Variants in ADGRL2 observed in about 807,000 individuals in gnomAD.
ADGRL2 encodes the protein calcium-independent alpha-latrotoxin receptor 2.
In ADGRL2, 44 loss-of-function variants were observed where a neutral mutation model predicts 157.4. The ratio of observed to expected loss-of-function variants is 0.28; its 90% CI spans 0.22 to 0.36. The LOEUF is 0.36. Ranked by LOEUF, ADGRL2 falls within the 10% of genes least tolerant of loss-of-function variation. The pLI is 1.00. For missense variants in ADGRL2, 1,510 were observed against 1,768.9 expected (o/e 0.85, Z 2.63); for synonymous variants, 585 against 624.7 (o/e 0.94, Z 0.95).
At chr1:81,397,521 G>A (rs2101202677) in intron 1 of ADGRL2, among the ~76,000 whole-genome samples, 1 of 151,806 alleles carries the variant, frequency 6.6e-6, no homozygotes, top group East Asian at 1.9e-4. Context: ...GGGTTTCACT[G>A]TGTTAGCCAG....
At position 81,414,954 on chromosome 1, in the gene ADGRL2, G is replaced by A. The variant is rs1053180074; in HGVS notation, c.-301-30082G>A. On this transcript the variant is annotated intron_variant, in intron 1 of 24. Coordinates refer to the ADGRL2 transcript ENST00000370721. ...TTTGATCATCTTCCGTTTCCCATCT[G>A]GTTATTCATAAGACACCTGCATCTC... Among the ~76,000 whole-genome samples the A allele has an allele frequency of 2.0e-5, 3 of 152,116 alleles. No homozygotes were observed. The South Asian group carries it at 6.2e-4, about 32-fold the overall frequency.
At chr1:81,583,066 C>T (rs1258171349) in intron 3 of ADGRL2, among the ~76,000 whole-genome samples, 2 of 152,136 alleles carry the variant, frequency 1.3e-5, no homozygotes, top group African/African-American at 2.4e-5. Context: ...CGTACACCAA[C>T]AACTATCTTA....
At chr1:81,361,335 A>C (rs2075975434) in intron 1 of ADGRL2, among the ~76,000 whole-genome samples, 1 of 151,914 alleles carries the variant, frequency 6.6e-6, no homozygotes. Flanking sequence ...AGTAATAGTC[A>C]AACTTATCTT....
intron 3 of ADGRL2, among the ~76,000 whole-genome samples, chr1:81,622,898 T>A (rs1280195776): frequency 6.6e-6 from 1 of 152,242 alleles, no homozygotes; most frequent in Non-Finnish European, 1.5e-5. Flanking sequence ...ATTTAATTCA[T>A]TTAATGAATC....
intron 2 of ADGRL2, among the ~76,000 whole-genome samples, chr1:81,468,494 T>C (rs921360599): frequency 1.3e-5 from 2 of 152,214 alleles, no homozygotes; most frequent in Non-Finnish European, 2.9e-5. Context: ...TGATTTCTTA[T>C]GGAAAAGAAG....
chr1:81,464,945 AAAG>A (rs980536611), intron 2 of ADGRL2, among the ~76,000 whole-genome samples: 26 of 151,558 alleles, frequency 1.7e-4, no homozygotes, highest in African/African-American at 5.3e-4. Flanking sequence ...AAAAAAAAAA[AAAG>A]AAGAAGAAAA....
At chr1:81,970,665 G>A (rs530996071) in intron 16 of ADGRL2, 131 bp downstream of exon 16, 39 of 585,598 alleles carry the variant, frequency 6.7e-5, no homozygotes, top group Middle Eastern at 4.7e-4. Flanking sequence ...TGGGCATACC[G>A]TGCACAAATT....
chr1:81,341,417 G>C (rs1662063316), intron 1 of ADGRL2, among the ~76,000 whole-genome samples: 1 of 151,706 alleles, frequency 6.6e-6, no homozygotes, highest in East Asian at 1.9e-4. Flanking sequence ...TGATTCATCA[G>C]TAGGGCTATT....
At chr1:81,494,293 A>G (rs1027396165) in intron 2 of ADGRL2, among the ~76,000 whole-genome samples, 3 of 152,100 alleles carry the variant, frequency 2.0e-5, no homozygotes, top group Admixed American at 1.3e-4. Flanking sequence ...AATGTGTCCC[A>G]TTTTTAAAAT....
At chr1:81,554,035 C>A (rs969814351) in intron 2 of ADGRL2, among the ~76,000 whole-genome samples, 1 of 152,154 alleles carries the variant, frequency 6.6e-6, no homozygotes, top group Non-Finnish European at 1.5e-5. Flanking sequence ...TTCTACTGAC[C>A]AGATTCCTCC....
At chr1:81,647,643 G>T (rs12067433) in intron 3 of ADGRL2, among the ~76,000 whole-genome samples, 43,796 of 151,986 alleles carry the variant, frequency 0.29, 6,398 homozygotes, top group East Asian at 0.32. Flanking sequence ...AAACATTTCT[G>T]GTCCCAAGCA....
At position 81,390,009 on chromosome 1, in the gene ADGRL2, G is replaced by A. The variant is rs138672937; in HGVS notation, c.-301-55027G>A. Among the ~76,000 whole-genome samples, 443 of 152,144 alleles carry A rather than the reference G, an allele frequency of 2.9e-3. 4 individuals carry two copies. Among genetic ancestry groups the A allele is most frequent in the African/African-American group, 0.01 (424 of 41,504 alleles). On this transcript the variant is annotated intron_variant, in intron 1 of 24. Transcript: ENST00000370721. The stretch of plus-strand genomic sequence containing the variant: ...AAAAGATCTGATAATACAGGTTGAG[G>A]TAATGGTCTTAAATGTTCTATGGAT...
At chr1:81,634,356 T>C (rs1004100154) in intron 3 of ADGRL2, among the ~76,000 whole-genome samples, 2 of 152,092 alleles carry the variant, frequency 1.3e-5, no homozygotes, top group Non-Finnish European at 2.9e-5. Context: ...ATCAGAGAAC[T>C]TCTCCACTTA....
intron 2 of ADGRL2, among the ~76,000 whole-genome samples, chr1:81,762,254 A>C (rs2085907451): frequency 6.6e-6 from 1 of 152,186 alleles, no homozygotes. Context: ...TGGAATTGTT[A>C]CTGTTACATA....
chr1:81,613,351 A>G (rs1377546641), intron 3 of ADGRL2, among the ~76,000 whole-genome samples: 2 of 152,220 alleles, frequency 1.3e-5, no homozygotes, highest in African/African-American at 4.8e-5. Flanking sequence ...AATGCCAAGC[A>G]AGGCACAAAA....
At chr1:81,457,595 C>A (rs1481530341) in intron 2 of ADGRL2, among the ~76,000 whole-genome samples, 2 of 152,030 alleles carry the variant, frequency 1.3e-5, no homozygotes, top group Admixed American at 6.5e-5. Context: ...AGCAAAAAAA[C>A]TTTTTTTCTT....
At chr1:81,572,446 G>A (rs535874685) in intron 2 of ADGRL2, among the ~76,000 whole-genome samples, 6 of 152,258 alleles carry the variant, frequency 3.9e-5, no homozygotes, top group Non-Finnish European at 7.4e-5. Context: ...AGGCTGATGG[G>A]GGATACAGAA....
In ADGRL2 at chr1:81,486,161, A is replaced by G. The variant is rs2078495741; in HGVS notation, c.-248+41072A>G. ...TTTGCCGCTTGGTTTAGCAAATCAG[A>G]TGAGTAAATATGCCAGACAATGCAT... On this transcript the variant is annotated intron_variant, in intron 2 of 24. Transcript: ENST00000370721. Among the ~76,000 whole-genome samples the G allele has an allele frequency of 2.0e-5, 3 of 152,374 alleles. No individual in the cohort carries two copies. In the South Asian group the frequency reaches 6.2e-4, roughly 32 times the overall value.
At chr1:81,803,288 C>G (rs1278056972) in intron 1 of ADGRL2, among the ~76,000 whole-genome samples, 1 of 152,026 alleles carries the variant, frequency 6.6e-6, no homozygotes, top group Non-Finnish European at 1.5e-5. Context: ...ATGGAAGCGC[C>G]CCAGCAGTGT....
Sources: gnomAD v4.1 joint callset for allele counts (sites outside exome capture counted in the v4.1 genomes callset) on GRCh38, gnomAD v4.1.1 for gene constraint, MANE v1.5 for transcripts, NCBI Gene and HGNC (gene_info 2026-07-23, HGNC 2026-07-21) for gene names.